SEMA3A: variants seen among roughly 807,000 people sequenced by gnomAD.
The protein encoded by SEMA3A is semaphorin 3A.
SEMA3A carries 29 observed loss-of-function variants against 97.9 expected under a neutral mutation model. That is an observed-to-expected ratio of 0.30 (90% CI 0.22 to 0.40). The LOEUF is 0.40. Among genes scored for constraint, SEMA3A ranks in the 10% least tolerant of loss-of-function variants. SEMA3A has a pLI of 1.00. For synonymous variants in SEMA3A, 321 were observed against 323.7 expected (o/e 0.99, Z 0.09); for missense variants, 763 against 951.3 (o/e 0.80, Z 2.60).
At chr7:84,429,646 C>A (rs1252304362) in intron 1 of SEMA3A, among the ~76,000 whole-genome samples, 1 of 148,634 alleles carries the variant, frequency 6.7e-6, no homozygotes, top group Admixed American at 6.8e-5. Flanking sequence ...ATCCTACACC[C>A]TTCCCCTAAA....
At chr7:84,290,845 T>C (rs1015477194) in intron 3 of SEMA3A, among the ~76,000 whole-genome samples, 7 of 152,116 alleles carry the variant, frequency 4.6e-5, no homozygotes. Context: ...CATGAGCAGA[T>C]TGAGAAATAA....
At chr7:83,986,041 G>A (rs1046694114) in intron 12 of SEMA3A, among the ~76,000 whole-genome samples, 4 of 152,148 alleles carry the variant, frequency 2.6e-5, no homozygotes, top group Non-Finnish European at 5.9e-5. Flanking sequence ...TCTGTGTTTG[G>A]ACATGATTAC....
intron 3 of SEMA3A, among the ~76,000 whole-genome samples, chr7:84,202,224 G>C (rs1421446594): frequency 3.3e-5 from 5 of 152,094 alleles, no homozygotes; most frequent in Admixed American, 6.6e-5. Context: ...TGAATGTAAA[G>C]TGTTCTCACC....
At chr7:83,969,106 A>C (rs1314887286) in intron 15 of SEMA3A, among the ~76,000 whole-genome samples, 2 of 152,082 alleles carry the variant, frequency 1.3e-5, no homozygotes, top group Admixed American at 6.6e-5. Context: ...CCACTGCACC[A>C]GTCTTTTATA....
intron 1 of SEMA3A, among the ~76,000 whole-genome samples, chr7:84,177,131 A>C (rs1286624435): frequency 6.6e-6 from 1 of 152,184 alleles, no homozygotes; most frequent in Admixed American, 6.5e-5. Context: ...TTAAGTAAAA[A>C]TAGTTGAAAG....
chr7:84,147,190 T>C (rs923567543), intron 1 of SEMA3A, among the ~76,000 whole-genome samples: 9 of 152,308 alleles, frequency 5.9e-5, no homozygotes, highest in South Asian at 2.1e-4. Context: ...GAGAAATAAA[T>C]AGTGATAAAC....
chr7:84,147,383 A>G (rs1373383902), intron 1 of SEMA3A, among the ~76,000 whole-genome samples: 4 of 152,194 alleles, frequency 2.6e-5, no homozygotes, highest in African/African-American at 9.6e-5. Context: ...GGGGAGGAAA[A>G]AAGTCTTCCT....
At chr7:84,049,765 C>CAT (rs1792525881) in intron 5 of SEMA3A, among the ~76,000 whole-genome samples, 1 of 150,716 alleles carries the variant, frequency 6.6e-6, no homozygotes, top group Non-Finnish European at 1.5e-5. Flanking sequence ...GCACAATGTG[C>CAT]AGGTTAGTTA....
intron 1 of SEMA3A, among the ~76,000 whole-genome samples, chr7:84,140,089 C>A (rs1268968459): frequency 1.3e-5 from 2 of 152,134 alleles, no homozygotes; most frequent in East Asian, 3.9e-4. Context: ...TCTTCTCATG[C>A]ATGTGTTTTG....
At chr7:84,133,759 G>A (rs1234933975) in intron 2 of SEMA3A, among the ~76,000 whole-genome samples, 1 of 151,672 alleles carries the variant, frequency 6.6e-6, no homozygotes, top group African/African-American at 2.4e-5. Context: ...AAACTGTATA[G>A]CTTATAAAAG....
chr7:84,475,545 T>C (rs1019679570), intron 1 of SEMA3A, among the ~76,000 whole-genome samples: 3 of 152,212 alleles, frequency 2.0e-5, no homozygotes, highest in African/African-American at 7.2e-5. Context: ...TATAAAAATA[T>C]GATCACAAAA....
At position 84,483,440 on chromosome 7, in the gene SEMA3A, T is replaced by C. The variant is rs1806494645; in HGVS notation, c.-246+9020A>G. ...TCACTGGGCAGGCCCCTTGCAAGAA[T>C]CCTAGAAGCTGTGTCTCTCTTGTTA... On this transcript the variant is annotated intron_variant, in intron 1 of 3. Coordinates refer to the SEMA3A transcript ENST00000424555. Among the ~76,000 whole-genome samples the C allele has an allele frequency of 2.6e-5, 4 of 152,118 alleles. No individual in the cohort carries two copies. In the South Asian group the frequency reaches 8.3e-4, roughly 31 times the overall value.
chr7:84,482,609 CCCTATAGA>C (rs1806475527), intron 1 of SEMA3A, among the ~76,000 whole-genome samples: 1 of 152,136 alleles, frequency 6.6e-6, no homozygotes, highest in Admixed American at 6.6e-5. Flanking sequence ...TACACTGCCT[CCCTATAGA>C]ACAGCCCAAG....
At chr7:84,194,103 A>T (rs1286507605) in intron 1 of SEMA3A, among the ~76,000 whole-genome samples, 13 of 152,304 alleles carry the variant, frequency 8.5e-5, no homozygotes, top group Admixed American at 2.0e-4. Context: ...TAGGTAAGGC[A>T]TGCACATCTA....
In SEMA3A at chr7:84,401,426, C is replaced by T. The variant is rs192726137; in HGVS notation, c.-245-29526G>A. Among the ~76,000 whole-genome samples, 135 of 150,178 alleles carry T rather than the reference C, an allele frequency of 9.0e-4. 1 individual carries two copies. The highest frequency in any genetic ancestry group is 3.6e-3 in the South Asian group (17 of 4,748). On this transcript the variant is annotated intron_variant, in intron 1 of 3. Transcript: ENST00000424555. ...AATTGTGTTAAAATGTTGATGATACCGAATGCAGTCTATAGATTCAATGAA... is the reference window on the plus strand; with the variant it reads ...AATTGTGTTAAAATGTTGATGATACTGAATGCAGTCTATAGATTCAATGAA...
intron 1 of SEMA3A, among the ~76,000 whole-genome samples, chr7:84,187,060 A>C (rs554945748): frequency 6.6e-6 from 1 of 152,314 alleles, no homozygotes; most frequent in East Asian, 1.9e-4. Flanking sequence ...GATGTAGCTT[A>C]GGGAGCAATG....
At chr7:83,963,371 A>T (rs1049664195) in intron 15 of SEMA3A, 24 bp from the exon 16 acceptor site, 2 of 1,596,568 alleles carry the variant, frequency 1.3e-6, no homozygotes, top group Non-Finnish European at 1.7e-6. Flanking sequence ...AGAAAATGCA[A>T]TGAGAAAATA....
At position 83,961,800 on chromosome 7, in the gene SEMA3A, C is replaced by A; in HGVS notation, c.1887G>T (p.Arg629Ser). 8 of 1,613,452 alleles carry A rather than the reference C, an allele frequency of 5.0e-6. No individual in the cohort carries two copies. The highest frequency in any genetic ancestry group is 6.8e-6 in the Non-Finnish European group (8 of 1,179,648). ...TACGTAGCAGAAGGCCTTGATCTGT[C>A]CTGATGATATGATCATCCACTCTGA... ...EEIRVDDHII[R>S]TDQGLLLRSL... The change falls in exon 17 of 17, where the codon AGG becomes AGT. Residue 629 changes from arginine to serine, a missense_variant. Around this residue, in one of 2 missense-constraint regions of SEMA3A, gnomAD observed 678 missense variants for 881.3 expected, o/e 0.77. Coordinates refer to ENST00000265362, the MANE Select transcript of SEMA3A (RefSeq NM_006080.3).
At chr7:84,287,107 T>G (rs1478821499) in intron 3 of SEMA3A, among the ~76,000 whole-genome samples, 1 of 152,128 alleles carries the variant, frequency 6.6e-6, no homozygotes, top group East Asian at 1.9e-4. Flanking sequence ...ATTACCTTAG[T>G]TTATTATTAA....
Sources: gnomAD v4.1 joint callset for allele counts (sites outside exome capture counted in the v4.1 genomes callset) on GRCh38, gnomAD v4.1.1 for gene constraint, gnomAD v4.1.1 regional missense constraint, MANE v1.5 for transcripts, NCBI Gene and HGNC (gene_info 2026-07-23, HGNC 2026-07-21) for gene names.